The following RAP1A variants were observed in gnomAD, a reference collection of about 807,000 sequenced individuals.
The protein encoded by RAP1A is ras-related protein Rap-1A.
A neutral mutation model predicts 26.4 loss-of-function variants in RAP1A; 6 were observed. That is an observed-to-expected ratio of 0.23 (90% CI 0.12 to 0.45). The LOEUF is 0.45. RAP1A is among the 20% of genes least tolerant of loss of function. RAP1A has a pLI of 0.99. For synonymous variants in RAP1A, 73 were observed against 79.4 expected (o/e 0.92, Z 0.43); for missense variants, 121 against 217.2 (o/e 0.56, Z 2.78).
At chr1:111,550,418 A>T (rs776266377) in intron 1 of RAP1A, among the ~76,000 whole-genome samples, 3 of 151,964 alleles carry the variant, frequency 2.0e-5, no homozygotes, top group African/African-American at 4.8e-5. Context: ...ATGGAAGATC[A>T]TGTTGTTGAT....
At chr1:111,583,429 C>G (rs1359975517) in intron 1 of RAP1A, among the ~76,000 whole-genome samples, 1 of 151,198 alleles carries the variant, frequency 6.6e-6, no homozygotes, top group Non-Finnish European at 1.5e-5. Context: ...TATGATTGCG[C>G]CACTCCACTC....
Position 111,695,399 on chromosome 1 carries a change from C to A in RAP1A, c.116C>A (p.Ser39Tyr). The A allele has an allele frequency of 1.3e-6, 2 of 1,562,512 alleles. No individual in the cohort carries two copies. The highest frequency in any genetic ancestry group is 2.4e-5 in the East Asian group (1 of 41,618). Reference protein sequence around the residue: ...VEKYDPTIEDSYRKQVEVDCQ... With the variant: ...VEKYDPTIEDYYRKQVEVDCQ... ...AAATATGACCCAACGATAGAAGATTCCTACAGAAAGGTAAAATGTGAAACT... is the reference window on the plus strand; with the variant it reads ...AAATATGACCCAACGATAGAAGATTACTACAGAAAGGTAAAATGTGAAACT... Residue 39 changes from serine (S) to tyrosine (Y), a missense_variant, in exon 3 of 8, where the codon TCC becomes TAC. Coordinates refer to ENST00000369709, the MANE Select transcript of RAP1A (RefSeq NM_002884.4).
At chr1:111,701,373 C>T (rs531842167) in intron 4 of RAP1A, among the ~76,000 whole-genome samples, 29 of 152,280 alleles carry the variant, frequency 1.9e-4, no homozygotes, top group Non-Finnish European at 3.2e-4. Context: ...AAATGTTACC[C>T]GTGAGGCCTT....
chr1:111,620,760 T>C (rs920643195), intron 1 of RAP1A, among the ~76,000 whole-genome samples: 1 of 152,194 alleles, frequency 6.6e-6, no homozygotes, highest in African/African-American at 2.4e-5. Context: ...GTGTGATTCT[T>C]GTTATCCTTC....
chr1:111,670,632 A>G (rs1443500450), intron 1 of RAP1A, among the ~76,000 whole-genome samples: 1 of 152,222 alleles, frequency 6.6e-6, no homozygotes, highest in East Asian at 1.9e-4. Context: ...AACATCAACA[A>G]AGCCAAAGTT....
At chr1:111,568,620 G>C in intron 1 of RAP1A, among the ~76,000 whole-genome samples, 1 of 152,180 alleles carries the variant, frequency 6.6e-6, no homozygotes, top group East Asian at 1.9e-4. Flanking sequence ...ATTCATTAGG[G>C]AGGTAGCCTA....
At chr1:111,695,234 C>A (rs1390833193) in intron 2 of RAP1A, 107 bp from the exon 3 acceptor site, 6 of 775,230 alleles carry the variant, frequency 7.7e-6, no homozygotes, top group South Asian at 3.9e-5. Flanking sequence ...ACGTGTTTAC[C>A]CAGAATTTTC....
At chr1:111,661,450 T>C (rs1036930447) in intron 1 of RAP1A, among the ~76,000 whole-genome samples, 2 of 152,214 alleles carry the variant, frequency 1.3e-5, no homozygotes, top group Non-Finnish European at 2.9e-5. Context: ...TCTGAAGTAA[T>C]GTATTTATAT....
At chr1:111,632,921 CAAAAAAAAAA>C (rs59053038) in intron 1 of RAP1A, among the ~76,000 whole-genome samples, 1 of 68,786 alleles carries the variant, frequency 1.5e-5, no homozygotes, top group Non-Finnish European at 2.7e-5. Context: ...AACTTGGTCT[CAAAAAAAAAA>C]AAAAAAAAAA....
intron 1 of RAP1A, among the ~76,000 whole-genome samples, chr1:111,575,458 G>A (rs532472218): frequency 6.6e-6 from 1 of 152,202 alleles, no homozygotes; most frequent in African/African-American, 2.4e-5. Flanking sequence ...CAGCCTGAAG[G>A]TACTAAACAT....
At chr1:111,698,032 G>C (rs1661890837) in intron 4 of RAP1A, among the ~76,000 whole-genome samples, 1 of 152,032 alleles carries the variant, frequency 6.6e-6, no homozygotes, top group South Asian at 2.1e-4. Context: ...ATAAGCAAAT[G>C]AGTTAATAAT....
intron 1 of RAP1A, among the ~76,000 whole-genome samples, chr1:111,566,869 T>G (rs1275255970): frequency 2.3e-4 from 34 of 150,584 alleles, no homozygotes; most frequent in African/African-American, 6.8e-4. Context: ...TGGTTGGGTT[T>G]TTTTTTTTTT....
intron 1 of RAP1A, chr1:111,602,189 C>T (rs547431815): frequency 6.6e-6 from 1 of 152,320 alleles, no homozygotes; most frequent in African/African-American, 2.4e-5. Flanking sequence ...AGACAGTACC[C>T]ACCTGTGGTC....
chr1:111,614,780 T>C lies in RAP1A; in HGVS notation c.-28+72271T>C, dbSNP rs144854175. On this transcript the variant is annotated intron_variant, in intron 1 of 7. Coordinates refer to the RAP1A transcript ENST00000356415. Reference sequence around the variant, plus strand: ...GTGCATAACTACATTCAGTGGCTATTTGAAGAGTACCTTATTTTATAAGGT... The same window carrying C: ...GTGCATAACTACATTCAGTGGCTATCTGAAGAGTACCTTATTTTATAAGGT... 5.6e-3 allele frequency among the ~76,000 whole-genome samples: 856 copies of C among 152,318 alleles called. 4 individuals carry two copies. The highest frequency in any genetic ancestry group is 0.019 in the African/African-American group (790 of 41,558).
At chr1:111,677,807 C>G (rs1193957269) in intron 1 of RAP1A, among the ~76,000 whole-genome samples, 6 of 152,180 alleles carry the variant, frequency 3.9e-5, no homozygotes, top group African/African-American at 1.4e-4. Context: ...CATGACGAAT[C>G]TTGATTCAGC....
chr1:111,607,565 C>A (rs1658813209), intron 1 of RAP1A, among the ~76,000 whole-genome samples: 1 of 149,572 alleles, frequency 6.7e-6, no homozygotes, highest in African/African-American at 2.4e-5. Context: ...GGCAGAGGGG[C>A]TCCTCACTTC....
At position 111,563,804 on chromosome 1, in the gene RAP1A, A is replaced by G. The variant is rs538325589; in HGVS notation, c.-28+21295A>G. ...TGGTCAGTATGCAGACTCAGACCCC[A>G]ACCTCTGCCTCCCAGCAGCTATATT... On this transcript the variant is annotated intron_variant, in intron 1 of 7. Coordinates refer to the RAP1A transcript ENST00000356415. 33 of 1,533,354 alleles carry G rather than the reference A, an allele frequency of 2.2e-5. 2 individuals are homozygous for G. In the South Asian group the frequency reaches 3.5e-4, roughly 16 times the overall value. The allele number at this position is 1,533,354 out of a possible 1,614,324, so 95.0% of individuals were successfully genotyped here. A position where few individuals can be genotyped will look rare whatever the true frequency, so the allele number is the denominator to read the frequency against.
rs548418517 is a variant in RAP1A at position 111,713,310 on chromosome 1, T to C, written c.*909T>C. The C allele has an allele frequency of 6.6e-5, 10 of 152,294 alleles. No individual in the cohort carries two copies. In the South Asian group the frequency reaches 2.1e-3, roughly 32 times the overall value. The allele number at this position is 152,294 out of a possible 1,614,324, so 9.4% of individuals were successfully genotyped here. ...GTTCTAAATATATTTATTCCTACTA[T>C]ACAGTAAAATACATCAGACAACATA... On this transcript the variant is annotated 3_prime_UTR_variant, in exon 8 of 8. Transcript: ENST00000369709.
intron 7 of RAP1A, among the ~76,000 whole-genome samples, chr1:111,709,964 T>C (rs1662326054): frequency 6.6e-6 from 1 of 152,236 alleles, no homozygotes; most frequent in Non-Finnish European, 1.5e-5. Flanking sequence ...TATATGTCTT[T>C]GTGCACATGT....
Sources: allele counts gnomAD v4.1 joint callset (sites outside exome capture counted in the v4.1 genomes callset), GRCh38; gene constraint gnomAD v4.1.1; transcripts MANE v1.5; gene names NCBI Gene and HGNC (gene_info 2026-07-23, HGNC 2026-07-21).